Variants in ARHGAP6 observed in about 807,000 individuals in gnomAD.
ARHGAP6 encodes Rho GTPase activating protein 6.
In ARHGAP6, 16 loss-of-function variants were observed where a neutral mutation model predicts 55.7. The observed-to-expected ratio is 0.29, with a 90% CI of 0.19 to 0.44. The LOEUF (loss-of-function observed/expected upper bound fraction) is 0.44, where lower values mean the gene tolerates loss of function less well. Among genes scored for constraint, ARHGAP6 ranks in the 20% least tolerant of loss-of-function variants. The pLI, the probability that ARHGAP6 is intolerant of heterozygous loss-of-function variation, is 1.00. For synonymous variants in ARHGAP6, 382 were observed against 360.9 expected, an observed-to-expected ratio of 1.06 and a Z score of -0.66; for missense variants, 698 against 808.9, an observed-to-expected ratio of 0.86 and a Z score of 1.66.
chrX:11,443,823 G>C (rs2050065440), intron 1 of ARHGAP6, among the ~76,000 whole-genome samples: 1 of 111,841 alleles, frequency 8.9e-6, no homozygotes, highest in South Asian at 3.8e-4. Context: ...AGCTACTCGG[G>C]AGGCTGAGGC....
chrX:11,399,475 A>AT (rs2049521573), intron 1 of ARHGAP6, among the ~76,000 whole-genome samples: 1 of 111,454 alleles, frequency 9.0e-6, no homozygotes, highest in Non-Finnish European at 1.9e-5. Context: ...TGGGATAATC[A>AT]ATCCTGAGGA....
At chrX:11,199,380 T>C (rs1285104098) in intron 2 of ARHGAP6, among the ~76,000 whole-genome samples, 1 of 111,757 alleles carries the variant, frequency 8.9e-6, no homozygotes, top group Non-Finnish European at 1.9e-5. Context: ...CTCTCTATGG[T>C]CCCACTCCAG....
intron 1 of ARHGAP6, among the ~76,000 whole-genome samples, chrX:11,586,069 G>A (rs778053460): frequency 2.6e-4 from 29 of 111,445 alleles, no homozygotes; most frequent in African/African-American, 9.1e-4. Flanking sequence ...TCCAACATTG[G>A]GGATTAAAAT....
At chrX:11,275,989 C>G (rs972934090) in intron 1 of ARHGAP6, among the ~76,000 whole-genome samples, 1 of 111,699 alleles carries the variant, frequency 9.0e-6, no homozygotes, top group Non-Finnish European at 1.9e-5. Context: ...ATAAGGAACA[C>G]CAAAACATGA....
chrX:11,358,489 T>TTTC (rs1569313602), intron 1 of ARHGAP6, among the ~76,000 whole-genome samples: 7 of 71,175 alleles, frequency 9.8e-5, no homozygotes, highest in Non-Finnish European at 1.5e-4. Flanking sequence ...TTCTTTCTTT[T>TTTC]TTTTTTTTTG....
At chrX:11,631,436 G>A (rs1483853619) in intron 1 of ARHGAP6, among the ~76,000 whole-genome samples, 2 of 109,961 alleles carry the variant, frequency 1.8e-5, no homozygotes, top group African/African-American at 3.3e-5. Context: ...AGAGGTAGGA[G>A]AATTGCTTGA....
At chrX:11,473,561 C>T (rs1181748508) in intron 1 of ARHGAP6, among the ~76,000 whole-genome samples, 2 of 111,269 alleles carry the variant, frequency 1.8e-5, no homozygotes, top group Non-Finnish European at 3.8e-5. Flanking sequence ...CATGTAACTG[C>T]ATGTTAAGGA....
chrX:11,220,197 G>A (rs2046947684), intron 2 of ARHGAP6, among the ~76,000 whole-genome samples: 2 of 110,717 alleles, frequency 1.8e-5, no homozygotes, highest in South Asian at 7.7e-4. Flanking sequence ...TCAGATAGTT[G>A]TAGATATGCG....
At chrX:11,367,710 G>A (rs2049099156) in intron 1 of ARHGAP6, 1 of 574,555 alleles carries the variant, frequency 1.7e-6, no homozygotes, top group Non-Finnish European at 2.1e-6. Context: ...GGAAGTGACA[G>A]ATCTTGTGCT....
At chrX:11,558,831 C>A (rs2051350283) in intron 1 of ARHGAP6, among the ~76,000 whole-genome samples, 1 of 40,986 alleles carries the variant, frequency 2.4e-5, no homozygotes, top group Non-Finnish European at 3.9e-5. Flanking sequence ...AGCAAGATTC[C>A]ATCTCAAAAA....
chrX:11,589,196 C>G (rs749856884), intron 1 of ARHGAP6, among the ~76,000 whole-genome samples: 32 of 107,905 alleles, frequency 3.0e-4, no homozygotes, highest in African/African-American at 4.4e-4. Flanking sequence ...CGCATGCCAC[C>G]ACGCCCGGCT....
chrX:11,522,211 G>C (rs1380331424), intron 1 of ARHGAP6, among the ~76,000 whole-genome samples: 1 of 111,380 alleles, frequency 9.0e-6, no homozygotes, highest in Non-Finnish European at 1.9e-5. Context: ...CAACATAGCG[G>C]AATCTCTGGG....
rs12834847 is a variant in ARHGAP6, at chrX:11,249,316, T to C, written c.748+5232A>G. ...GAGGGATAAAAAACTATGAATTGTG[T>C]TCAGTGTATACTGCTTGGGTGATGG... is the stretch of plus-strand genomic sequence containing the variant. On this transcript the variant is annotated intron_variant, in intron 2 of 12. Transcript: ENST00000337414. Among the ~76,000 whole-genome samples the C allele has an allele frequency of 3.8e-4, 42 of 111,646 alleles. 1 individual carries two copies. The highest frequency in any genetic ancestry group is 6.2e-4 in the Non-Finnish European group (33 of 53,097).
At chrX:11,400,814 A>G (rs889878298) in intron 1 of ARHGAP6, among the ~76,000 whole-genome samples, 2 of 111,806 alleles carry the variant, frequency 1.8e-5, no homozygotes, top group Non-Finnish European at 3.8e-5. Flanking sequence ...GACTTTCCCA[A>G]TATTTGGGGG....
Position 11,411,882 on chromosome X carries a change from C to T in ARHGAP6, c.589-157175G>A, listed in dbSNP as rs142222220. On this transcript the variant is annotated intron_variant, in intron 1 of 12. Coordinates refer to ENST00000337414, the MANE Select transcript of ARHGAP6 (RefSeq NM_013427.3). ...TAAACTTACTGCGTTGGATAACCATCACCACAATCCAATTTGAGAACATTT... is the reference window on the plus strand; with the variant it reads ...TAAACTTACTGCGTTGGATAACCATTACCACAATCCAATTTGAGAACATTT... Among the ~76,000 whole-genome samples the T allele has an allele frequency of 5.4e-5, 6 of 111,241 alleles. No homozygotes were observed. In the East Asian group the frequency reaches 1.7e-3, roughly 31 times the overall value.
chrX:11,258,759 C>T (rs2047522338), intron 1 of ARHGAP6, among the ~76,000 whole-genome samples: 1 of 111,893 alleles, frequency 8.9e-6, no homozygotes, highest in Non-Finnish European at 1.9e-5. Context: ...GAATTGTTAA[C>T]CAAAAGAGAG....
At chrX:11,501,706 A>G (rs189802445) in intron 1 of ARHGAP6, among the ~76,000 whole-genome samples, 145 of 112,084 alleles carry the variant, frequency 1.3e-3, no homozygotes, top group African/African-American at 4.4e-3. Flanking sequence ...GTATTCTTAC[A>G]ATAAAGTAGG....
At chrX:11,638,404 G>A (rs1459411317) in intron 1 of ARHGAP6, among the ~76,000 whole-genome samples, 1 of 111,961 alleles carries the variant, frequency 8.9e-6, no homozygotes, top group African/African-American at 3.2e-5. Context: ...CAGGTTCTAT[G>A]TGCAAATAAC....
At chrX:11,513,017 T>C (rs1048903123) in intron 1 of ARHGAP6, among the ~76,000 whole-genome samples, 2 of 112,174 alleles carry the variant, frequency 1.8e-5, no homozygotes, top group Non-Finnish European at 3.8e-5. Context: ...TTCCCTTATT[T>C]ATGTTAGTCA....
Sources: allele counts gnomAD v4.1 joint callset (sites outside exome capture counted in the v4.1 genomes callset), GRCh38; gene constraint gnomAD v4.1.1; transcripts MANE v1.5; gene names NCBI Gene and HGNC (gene_info 2026-07-23, HGNC 2026-07-21).